Variants in ANXA8 observed in about 807,000 individuals in gnomAD.
ANXA8 encodes annexin A8.
In ANXA8, 9 loss-of-function variants were observed where a neutral mutation model predicts 26.8. The observed-to-expected ratio is 0.34, with a 90% CI of 0.20 to 0.59. The LOEUF (loss-of-function observed/expected upper bound fraction) is 0.59. Ranked by LOEUF, ANXA8 falls within the 20% of genes least tolerant of loss-of-function variation. The probability of loss-of-function intolerance (pLI) is 0.84; values close to 1 mark genes in which losing one functional copy is unlikely to be tolerated. For synonymous variants in ANXA8, 39 were observed against 94.8 expected, an observed-to-expected ratio of 0.41 and a Z score of 3.42; for missense variants, 83 against 238.5, an observed-to-expected ratio of 0.35 and a Z score of 4.29.
chr10:47,669,005 T>C, the ANXA8 span, among the ~76,000 whole-genome samples: 1 of 151,808 alleles, frequency 6.6e-6, no homozygotes, highest in South Asian at 2.1e-4. Flanking sequence ...GTGAGGGAAG[T>C]AGGGCAGTGA....
chr10:47,705,661 A>G, the ANXA8 span, among the ~76,000 whole-genome samples: 1 of 151,440 alleles, frequency 6.6e-6, no homozygotes, highest in African/African-American at 2.4e-5. Flanking sequence ...TTACTTCACA[A>G]TCTTTGTTTT....
At chr10:47,721,375 T>A in the ANXA8 span, among the ~76,000 whole-genome samples, 1 of 138,360 alleles carries the variant, frequency 7.2e-6, no homozygotes, top group African/African-American at 2.6e-5. Flanking sequence ...ACTTCACAGA[T>A]CAGTATCACC....
chr10:47,686,225 CTTTTTTTT>C, the ANXA8 span, among the ~76,000 whole-genome samples: 4 of 122,956 alleles, frequency 3.3e-5, no homozygotes, highest in African/African-American at 1.2e-4. Context: ...GCTCCTATCA[CTTTTTTTT>C]TTTTTTTTTT....
chr10:47,976,572 C>CACACAA, the ANXA8 span, among the ~76,000 whole-genome samples: 1 of 145,698 alleles, frequency 6.9e-6, no homozygotes, highest in African/African-American at 2.5e-5. Context: ...CACACACACA[C>CACACAA]AATTAACATT....
At chr10:47,736,742 C>T in the ANXA8 span, among the ~76,000 whole-genome samples, 1 of 145,164 alleles carries the variant, frequency 6.9e-6, no homozygotes, top group South Asian at 2.2e-4. Flanking sequence ...GCAACATCTG[C>T]CTCCTGGGTT....
the ANXA8 span, among the ~76,000 whole-genome samples, chr10:47,580,746 A>G: frequency 1.8e-5 from 1 of 55,134 alleles, no homozygotes; most frequent in Admixed American, 1.7e-4. Flanking sequence ...TGTCTCAAAA[A>G]ACAAAACAAA....
chr10:47,659,591 G>A, the ANXA8 span, among the ~76,000 whole-genome samples: 3 of 150,950 alleles, frequency 2.0e-5, no homozygotes, highest in Non-Finnish European at 2.9e-5. Flanking sequence ...CAGGAGAATT[G>A]CTTGAACCCG....
At chr10:47,977,897 T>C in the ANXA8 span, among the ~76,000 whole-genome samples, 2 of 150,974 alleles carry the variant, frequency 1.3e-5, no homozygotes, top group African/African-American at 4.8e-5. Context: ...TTTGAAGAAA[T>C]AATTGCCATA....
the ANXA8 span, among the ~76,000 whole-genome samples, chr10:47,926,162 C>G: frequency 5.1e-5 from 2 of 39,422 alleles, 1 homozygote; most frequent in East Asian, 6.6e-4. Context: ...TCCTGTGTAA[C>G]TGGGATTACA....
At chr10:47,605,849 C>A in the ANXA8 span, among the ~76,000 whole-genome samples, 3 of 135,882 alleles carry the variant, frequency 2.2e-5, no homozygotes, top group South Asian at 6.8e-4. Context: ...ATAATGAGCA[C>A]AAGAAAGCAT....
At chr10:47,599,443 C>CT in the ANXA8 span, among the ~76,000 whole-genome samples, 1 of 148,002 alleles carries the variant, frequency 6.8e-6, no homozygotes, top group African/African-American at 2.6e-5. Flanking sequence ...TTCTCTTTTG[C>CT]TTTTTTTACT....
At chr10:47,673,050 C>A in the ANXA8 span, among the ~76,000 whole-genome samples, 5 of 149,616 alleles carry the variant, frequency 3.3e-5, no homozygotes, top group African/African-American at 5.0e-5. Context: ...AAAGGAGAAA[C>A]CAGCCACATT....
chr10:47,503,340 G>C, the ANXA8 span: 1 of 1,604,538 alleles, frequency 6.2e-7, no homozygotes, highest in Non-Finnish European at 8.5e-7. Context: ...TCCTCTCTTT[G>C]TCTGGGTCAC....
chr10:47,546,457 C>T, the ANXA8 span, among the ~76,000 whole-genome samples: 4 of 114,372 alleles, frequency 3.5e-5, no homozygotes, highest in African/African-American at 1.4e-4. Flanking sequence ...GGCTGGAGTG[C>T]AGTGGCTTGA....
the ANXA8 span, among the ~76,000 whole-genome samples, chr10:47,595,983 A>G: frequency 6.7e-6 from 1 of 148,254 alleles, no homozygotes; most frequent in Non-Finnish European, 1.5e-5. Flanking sequence ...CTTCACATGG[A>G]ACATACTCTA....
the ANXA8 span, among the ~76,000 whole-genome samples, chr10:47,694,959 G>A: frequency 6.6e-6 from 1 of 151,720 alleles, no homozygotes; most frequent in African/African-American, 2.4e-5. Context: ...GAGAGGGTAG[G>A]AAGGAGCCAG....
chr10:47,560,563 A>G, the ANXA8 span, among the ~76,000 whole-genome samples: 1 of 151,766 alleles, frequency 6.6e-6, no homozygotes, highest in Non-Finnish European at 1.5e-5. Flanking sequence ...TAGCAGTGGT[A>G]ACAGTTGAGA....
chr10:47,947,703 G>T, the ANXA8 span, among the ~76,000 whole-genome samples: 2 of 150,632 alleles, frequency 1.3e-5, 1 homozygote, highest in African/African-American at 4.9e-5. Flanking sequence ...GTTTTCTGAG[G>T]CTTCCCCAAC....
At chr10:47,894,600 G>C in the ANXA8 span, among the ~76,000 whole-genome samples, 1 of 94,484 alleles carries the variant, frequency 1.1e-5, no homozygotes, top group Non-Finnish European at 2.3e-5. Flanking sequence ...CACACACACT[G>C]CACCACACAC....
Sources: gnomAD v4.1 joint callset for allele counts (sites outside exome capture counted in the v4.1 genomes callset) on GRCh38, gnomAD v4.1.1 for gene constraint, MANE v1.5 for transcripts, NCBI Gene and HGNC (gene_info 2026-07-23, HGNC 2026-07-21) for gene names.